The following CAPN3 variants were observed in gnomAD, a reference collection of about 807,000 sequenced individuals.
CAPN3 encodes the protein calpain 3.
Under a neutral mutation model 114.0 loss-of-function variants are expected in CAPN3, and 88 were observed. The ratio of observed to expected loss-of-function variants is 0.77; its 90% CI spans 0.65 to 0.92. CAPN3 has a LOEUF of 0.92. CAPN3 is among the 40% of genes least tolerant of loss of function. The pLI is 0.00. For synonymous variants in CAPN3, 386 were observed against 382.9 expected, an observed-to-expected ratio of 1.01 and a Z score of -0.09; for missense variants, 1,028 against 1,069.0, an observed-to-expected ratio of 0.96 and a Z score of 0.53.
chr15:42,404,454 G>T, intron 14 of CAPN3: 1 of 456,670 alleles, frequency 2.2e-6, no homozygotes, highest in South Asian at 1.5e-5. Context: ...AAGAAAGGAA[G>T]CAGAGGCTCA....
rs183451352 is a variant in CAPN3 at position 42,404,006 on chromosome 15, G to A, written c.1782+229G>A. 95 of 640,530 alleles carry A rather than the reference G, an allele frequency of 1.5e-4. 1 individual carries two copies. In the East Asian group the frequency reaches 2.3e-3, roughly 15 times the overall value. The allele number at this position is 640,530 out of a possible 1,614,324, so 39.7% of individuals were successfully genotyped here. A position where few individuals can be genotyped will look rare whatever the true frequency, so the allele number is the denominator to read the frequency against. On this transcript the variant is annotated intron_variant, in intron 14 of 23. Transcript: ENST00000397163. Reference sequence around the variant, plus strand: ...AGTTCAGGGGCTGGGAAATATGGAAGAGGGTCCTGGAAAGGAGAAGCAATT... The same window carrying A: ...AGTTCAGGGGCTGGGAAATATGGAAAAGGGTCCTGGAAAGGAGAAGCAATT...
intron 8 of CAPN3, 91 bp from the exon 9 acceptor site, chr15:42,396,709 A>G (rs1054077104): frequency 4.0e-5 from 40 of 990,488 alleles, no homozygotes; most frequent in Non-Finnish European, 6.0e-5. Context: ...CAGCAGCTGC[A>G]ACTCTTTGTA....
intron 2 of CAPN3, 49 bp from the exon 3 acceptor site, chr15:42,386,118 C>T: frequency 7.4e-7 from 1 of 1,356,568 alleles, no homozygotes; most frequent in Non-Finnish European, 1.1e-6. Context: ...CTTTTTCTTC[C>T]CAGGAGGAGC....
chr15:42,405,015 A>G, intron 14 of CAPN3: 2 of 987,790 alleles, frequency 2.0e-6, no homozygotes, highest in Non-Finnish European at 2.4e-6. Context: ...AGTTGTCTGC[A>G]GTTCTCAATT....
At chr15:42,385,558 A>G (rs2053377114) in intron 2 of CAPN3, 1 of 439,642 alleles carries the variant, frequency 2.3e-6, no homozygotes, top group Non-Finnish European at 4.5e-6. Context: ...AGAGAGAGAG[A>G]GAAAGAGAGC....
chr15:42,394,161 AT>A, intron 7 of CAPN3, 94 bp from the exon 8 acceptor site: 1 of 1,154,080 alleles, frequency 8.7e-7, no homozygotes, highest in Non-Finnish European at 1.3e-6. Context: ...CGCGTAAGAG[AT>A]TTGCCCCCCA....
intron 21 of CAPN3, 42 bp from the exon 22 acceptor site, chr15:42,410,842 C>T: frequency 1.3e-6 from 2 of 1,522,618 alleles, no homozygotes; most frequent in Middle Eastern, 3.4e-4. Context: ...AGGCCCAAGG[C>T]CTCCAGCTCC....
At chr15:42,385,533 G>C (rs79988905) in intron 2 of CAPN3, 78,664 of 210,184 alleles carry the variant, frequency 0.37, 10,510 homozygotes, top group African/African-American at 0.54. Flanking sequence ...TACACACACA[G>C]AGAGAGAGAG....
chr15:42,386,300 G>A lies in CAPN3; in HGVS notation c.498+15G>A, dbSNP rs1262427657. 6.3e-7 allele frequency: 1 copy of A among 1,575,298 alleles called. No individual in the cohort carries two copies. The stretch of plus-strand genomic sequence containing the variant: ...TCCACTTCCAGGTGAGGTAATGAGA[G>A]TGTAGTTAAGAGGGCCAGCGGCAGG... On this transcript the variant is annotated intron_variant, in intron 3 of 23. Coordinates refer to ENST00000397163, the MANE Select transcript of CAPN3 (RefSeq NM_000070.3).
intron 7 of CAPN3, among the ~76,000 whole-genome samples, chr15:42,393,170 C>T (rs766333072): frequency 2.0e-5 from 3 of 152,126 alleles, no homozygotes; most frequent in Non-Finnish European, 2.9e-5. Flanking sequence ...TTGCATATAA[C>T]CTATGCACAT....
intron 1 of CAPN3, among the ~76,000 whole-genome samples, chr15:42,382,405 G>A (rs1453193339): frequency 6.6e-6 from 1 of 152,120 alleles, no homozygotes; most frequent in African/African-American, 2.4e-5. Context: ...GCCTCACTCT[G>A]TCGCCCAGGC....
At position 42,404,941 on chromosome 15, in the gene CAPN3, G is replaced by A. The variant is rs1351282371; in HGVS notation, c.1783-985G>A. 3.0e-6 allele frequency: 3 copies of A among 999,022 alleles called. No homozygotes were observed. The East Asian group carries it at 3.0e-4, about 101-fold the overall frequency. The allele number at this position is 999,022 out of a possible 1,614,324, so 61.9% of individuals were successfully genotyped here. On this transcript the variant is annotated intron_variant, in intron 14 of 23. Transcript: ENST00000397163. ...GACCTGCAAACCCAAAAGCTTATGG[G>A]AGCTGGCACGTCACGTGAGTAGAGC...
At position 42,409,334 on chromosome 15, in the gene CAPN3, A is replaced by T; in HGVS notation, c.1946A>T (p.Glu649Val). The T allele has an allele frequency of 6.2e-7, 1 of 1,614,214 alleles. No homozygotes were observed. The highest frequency in any genetic ancestry group is 8.5e-7 in the Non-Finnish European group (1 of 1,180,030). Residue 649 changes from glutamate (E) to valine (V), a missense_variant, in exon 17 of 24, where the codon GAG becomes GTG. Glu to Val is a moderately radical substitution (Grantham distance 121). Coordinates refer to ENST00000397163, the MANE Select transcript of CAPN3 (RefSeq NM_000070.3). ...PQPGSSDQESEEQQQFRNIFK... is the reference protein window; with the variant it reads ...PQPGSSDQESVEQQQFRNIFK... ...CCTGGCAGCTCTGATCAGGAAAGTG[A>T]GGAACAGCAACAATTCCGGAACATT...
At position 42,411,898 on chromosome 15, in the gene CAPN3, T is replaced by A. The variant is rs918697825; in HGVS notation, c.*125T>A. 150 of 1,579,440 alleles carry A rather than the reference T, an allele frequency of 9.5e-5. No individual in the cohort carries two copies. Among genetic ancestry groups the A allele is most frequent in the Non-Finnish European group, 8.5e-5 (99 of 1,161,994 alleles). On this transcript the variant is annotated 3_prime_UTR_variant, in exon 24 of 24. Coordinates refer to ENST00000397163, the MANE Select transcript of CAPN3 (RefSeq NM_000070.3). ...CCCCTACAGGCTTCCAGGCACCTCA[T>A]CAGTCATGCTCCTCCTCCATTTTAC... is the stretch of plus-strand genomic sequence containing the variant.
At chr15:42,394,229 C>A in intron 7 of CAPN3, 27 bp from the exon 8 acceptor site, 1 of 1,546,610 alleles carries the variant, frequency 6.5e-7, no homozygotes, top group Non-Finnish European at 8.8e-7. Context: ...GGCTGCAGAG[C>A]ATGAGAGCTC....
rs769924875 is a variant in CAPN3, at chr15:42,408,202, T to G, written c.1801-9T>G. ...CCCTTCCTTCCTGCCTCCTCCCTCC[T>G]CTCTCCAGCCCATCATCTTCGTTTC... On this transcript the variant is annotated splice_polypyrimidine_tract_variant and intron_variant, in intron 15 of 23. Transcript: ENST00000397163. The G allele has an allele frequency of 1.9e-6, 3 of 1,600,278 alleles. No homozygotes were observed. The East Asian group carries it at 6.7e-5, about 36-fold the overall frequency.
Position 42,402,934 on chromosome 15 carries a change from C to T in CAPN3, c.1677C>T (p.Ser559=). Residue 559 remains serine, a synonymous_variant, in exon 13 of 24, where the codon TCC becomes TCT. Transcript: ENST00000397163. ...LPPSEYVIVP[S]TYEPHQEGEF... is the part of the protein sequence containing the mutation. ...CCAGCGAGTACGTCATCGTGCCCTC[C>T]ACCTACGAGCCCCACCAGGAGGGGG... 2 of 1,614,230 alleles carry T rather than the reference C, an allele frequency of 1.2e-6. No homozygotes were observed. The highest frequency in any genetic ancestry group is 1.7e-6 in the Non-Finnish European group (2 of 1,180,022).
intron 1 of CAPN3, among the ~76,000 whole-genome samples, chr15:42,380,749 A>ATTTTT (rs2053226229): frequency 5.0e-5 from 3 of 59,482 alleles, no homozygotes; most frequent in African/African-American, 2.8e-4. Flanking sequence ...ATATATATAT[A>ATTTTT]TATTTTTTTT....
chr15:42,411,039 G>C (rs1455061118), intron 22 of CAPN3, 39 bp downstream of exon 22: 8 of 1,481,036 alleles, frequency 5.4e-6, no homozygotes, highest in Non-Finnish European at 6.6e-6. Context: ...CTCTCTTGCA[G>C]GGGCAGTTGT....
Sources: gnomAD v4.1 joint callset for allele counts (sites outside exome capture counted in the v4.1 genomes callset) on GRCh38, gnomAD v4.1.1 for gene constraint, MANE v1.5 for transcripts, NCBI Gene and HGNC (gene_info 2026-07-23, HGNC 2026-07-21) for gene names.